SUFU: variants seen among roughly 807,000 people sequenced by gnomAD.
The protein encoded by SUFU is SUFU negative regulator of hedgehog signaling, also known as suppressor of fused homolog.
SUFU carries 7 observed loss-of-function variants against 58.9 expected under a neutral mutation model. The ratio of observed to expected loss-of-function variants is 0.12; its 90% CI spans 0.07 to 0.22. SUFU has a LOEUF of 0.22. Among genes scored for constraint, SUFU ranks in the 10% least tolerant of loss-of-function variants. The pLI, the probability that SUFU is intolerant of heterozygous loss-of-function variation, is 1.00. For synonymous variants in SUFU, 232 were observed against 254.8 expected, an observed-to-expected ratio of 0.91 and a Z score of 0.85; for missense variants, 451 against 641.3, an observed-to-expected ratio of 0.70 and a Z score of 3.20.
intron 3 of SUFU, among the ~76,000 whole-genome samples, chr10:102,568,245 C>G (rs143488722): frequency 6.6e-6 from 1 of 150,750 alleles, no homozygotes; most frequent in Non-Finnish European, 1.5e-5. Flanking sequence ...ATTATACATG[C>G]TGAAAAGAAA....
chr10:102,545,334 A>G (rs1290520847), intron 2 of SUFU, among the ~76,000 whole-genome samples: 20 of 125,774 alleles, frequency 1.6e-4, no homozygotes, highest in Non-Finnish European at 3.3e-4. Flanking sequence ...GGGTTTGGCC[A>G]TGTTGCCTAA....
At chr10:102,594,091 T>C in intron 6 of SUFU, 26 bp downstream of exon 6, 1 of 1,611,880 alleles carries the variant, frequency 6.2e-7, no homozygotes, top group Non-Finnish European at 8.5e-7. Context: ...GGAAAACCTT[T>C]CTAGCACCCT....
In SUFU at chr10:102,585,300, C is replaced by T. The variant is rs533646484; in HGVS notation, c.455-7282C>T. ...ATCTGTTTCCATAGATTTGCCTATT[C>T]TGGACATTCCATATGGATGGAATCA... On this transcript the variant is annotated intron_variant, in intron 3 of 11. Coordinates refer to ENST00000369902, the MANE Select transcript of SUFU (RefSeq NM_016169.4). 1.5e-4 allele frequency among the ~76,000 whole-genome samples: 23 copies of T among 152,300 alleles called. No homozygotes were observed. In the South Asian group the frequency reaches 4.8e-3, roughly 32 times the overall value.
intron 3 of SUFU, among the ~76,000 whole-genome samples, chr10:102,568,907 T>C (rs1485034909): frequency 9.3e-5 from 1 of 10,758 alleles, no homozygotes; most frequent in African/African-American, 3.0e-4. Flanking sequence ...AATATATATA[T>C]ATATATATAT....
chr10:102,597,544 T>C (rs754175861), intron 7 of SUFU, among the ~76,000 whole-genome samples: 3 of 152,234 alleles, frequency 2.0e-5, no homozygotes, highest in East Asian at 3.9e-4. Context: ...GTTTTAGATA[T>C]GCCCTTTGCA....
chr10:102,573,104 C>T (rs543772951), intron 3 of SUFU: 12 of 775,746 alleles, frequency 1.5e-5, no homozygotes, highest in East Asian at 2.4e-5. Flanking sequence ...AGGTGACGTG[C>T]GGATCTTCTT....
chr10:102,570,060 G>T (rs1462893120), intron 3 of SUFU, among the ~76,000 whole-genome samples: 1 of 152,068 alleles, frequency 6.6e-6, no homozygotes, highest in African/African-American at 2.4e-5. Context: ...ACTCTTCATT[G>T]GGATGTAGAA....
At position 102,504,338 on chromosome 10, in the gene SUFU, T is replaced by A; in HGVS notation, c.182+4T>A. ...TTACCGCTATCGTCAAGTACTGGTA[T>A]GCTCTGGGCCGCGGGGAGACGGACA... On this transcript the variant is annotated splice_donor_region_variant and intron_variant, in intron 1 of 11. Coordinates refer to ENST00000369902, the MANE Select transcript of SUFU (RefSeq NM_016169.4). The A allele has an allele frequency of 6.2e-7, 1 of 1,614,078 alleles. No homozygotes were observed.
chr10:102,519,768 T>C (rs2062525606), intron 2 of SUFU, among the ~76,000 whole-genome samples: 1 of 152,134 alleles, frequency 6.6e-6, no homozygotes, highest in Non-Finnish European at 1.5e-5. Flanking sequence ...CAATAGACTT[T>C]ATATTTTTGT....
At chr10:102,614,393 T>C (rs1196112542) in intron 8 of SUFU, among the ~76,000 whole-genome samples, 4 of 150,058 alleles carry the variant, frequency 2.7e-5, no homozygotes, top group Non-Finnish European at 4.4e-5. Flanking sequence ...CTGTCTCTAC[T>C]AAAAATACAA....
At chr10:102,512,966 G>A (rs1193733021) in intron 2 of SUFU, among the ~76,000 whole-genome samples, 1 of 151,998 alleles carries the variant, frequency 6.6e-6, no homozygotes, top group Admixed American at 6.6e-5. Flanking sequence ...TGCTTGGGGG[G>A]CTGAGGTGGG....
At chr10:102,602,229 G>A (rs1470422481) in intron 8 of SUFU, among the ~76,000 whole-genome samples, 1 of 152,156 alleles carries the variant, frequency 6.6e-6, no homozygotes, top group Admixed American at 6.5e-5. Flanking sequence ...AGGCTAATAA[G>A]TATCTTTTCC....
At chr10:102,582,547 G>A (rs575068228) in intron 3 of SUFU, among the ~76,000 whole-genome samples, 6 of 152,266 alleles carry the variant, frequency 3.9e-5, no homozygotes, top group East Asian at 1.9e-4. Context: ...GATTCTGTGC[G>A]CCTGTTCAGC....
rs1320958248 is a variant in SUFU at position 102,630,960 on chromosome 10, T to A, written c.*805T>A. The A allele has an allele frequency of 4.3e-6, 1 of 233,564 alleles. No individual in the cohort carries two copies. The highest frequency in any genetic ancestry group is 8.4e-6 in the Non-Finnish European group (1 of 118,394). 14.5% of individuals were successfully genotyped at this position (233,564 alleles called of 1,614,324 possible). On this transcript the variant is annotated 3_prime_UTR_variant, in exon 12 of 12. Coordinates refer to ENST00000369902, the MANE Select transcript of SUFU (RefSeq NM_016169.4). ...TGTGCAGCTTTGAGCCTAGTTTAGC[T>A]GGGGCCAGGGAGGGGTGCTACTGTT...
chr10:102,607,379 A>G (rs1219359759), intron 8 of SUFU, among the ~76,000 whole-genome samples: 1 of 152,236 alleles, frequency 6.6e-6, no homozygotes, highest in Non-Finnish European at 1.5e-5. Flanking sequence ...AATTGGTGAT[A>G]AGCACATAGA....
chr10:102,629,049 G>A lies in SUFU; in HGVS notation c.1366-1017G>A, dbSNP rs930702543. On this transcript the variant is annotated intron_variant, in intron 11 of 11. Coordinates refer to ENST00000369902, the MANE Select transcript of SUFU (RefSeq NM_016169.4). The surrounding 1 kb of genome is among the most constrained non-coding windows in gnomAD (Gnocchi z 4.7). ...TGCATGCCTGTAATCTCAGCTACTC[G>A]GGAGGCTGAGGCACGAGAATCGCTT... Among the ~76,000 whole-genome samples, 5 of 152,056 alleles carry A rather than the reference G, an allele frequency of 3.3e-5. No homozygotes were observed. Among genetic ancestry groups the A allele is most frequent in the African/African-American group, 1.2e-4 (5 of 41,394 alleles).
chr10:102,626,028 T>G (rs966035596), intron 10 of SUFU, among the ~76,000 whole-genome samples: 1 of 152,210 alleles, frequency 6.6e-6, no homozygotes, highest in Non-Finnish European at 1.5e-5. Flanking sequence ...CCCATTATCT[T>G]TCTTCCTTTG....
At chr10:102,521,447 T>C (rs1462426159) in intron 2 of SUFU, among the ~76,000 whole-genome samples, 1 of 152,204 alleles carries the variant, frequency 6.6e-6, no homozygotes, top group Non-Finnish European at 1.5e-5. Context: ...GCTGAGTAGG[T>C]GCTGGGCCTA....
Position 102,633,428 on chromosome 10 carries a change from C to G in SUFU, c.*3273C>G, listed in dbSNP as rs1173127931. 1.3e-5 allele frequency: 3 copies of G among 232,288 alleles called. No homozygotes were observed. The highest frequency in any genetic ancestry group is 2.2e-5 in the African/African-American group (1 of 45,280). The allele number at this position is 232,288 out of a possible 1,614,324, so 14.4% of individuals were successfully genotyped here. A position where few individuals can be genotyped will look rare whatever the true frequency, so the allele number is the denominator to read the frequency against. On this transcript the variant is annotated 3_prime_UTR_variant, in exon 12 of 12. Transcript: ENST00000369902. The stretch of plus-strand genomic sequence containing the variant: ...CTTGCCCCCTCTTCCTCTCTGTAAT[C>G]TAAGTGCATTAAACATCTTTGCAGA...
Sources: allele counts gnomAD v4.1 joint callset (sites outside exome capture counted in the v4.1 genomes callset), GRCh38; gene constraint gnomAD v4.1.1; non-coding constraint Gnocchi (gnomAD v3.1); transcripts MANE v1.5; gene names NCBI Gene and HGNC (gene_info 2026-07-23, HGNC 2026-07-21).